Variants in SEMA6D observed in about 807,000 individuals in gnomAD.
SEMA6D encodes the protein semaphorin 6D, also known as semaphorin-6D.
In SEMA6D, 35 loss-of-function variants were observed where a neutral mutation model predicts 106.6. The observed-to-expected ratio is 0.33, with a 90% CI of 0.25 to 0.44. The LOEUF is 0.44. Ranked by LOEUF, SEMA6D falls within the 20% of genes least tolerant of loss-of-function variation. SEMA6D has a pLI of 1.00. For missense variants in SEMA6D, 1,185 were observed against 1,345.9 expected (o/e 0.88, Z 1.87); for synonymous variants, 499 against 487.7 (o/e 1.02, Z -0.31).
At chr15:47,384,535 G>A (rs1469426404) in intron 1 of SEMA6D, among the ~76,000 whole-genome samples, 1 of 152,186 alleles carries the variant, frequency 6.6e-6, no homozygotes, top group Admixed American at 6.5e-5. Flanking sequence ...AATGAGCAGT[G>A]AGCAGGGGCC....
At chr15:47,554,883 A>G (rs1047821213) in intron 3 of SEMA6D, among the ~76,000 whole-genome samples, 10 of 152,298 alleles carry the variant, frequency 6.6e-5, no homozygotes, top group African/African-American at 2.4e-4. Context: ...GGATGAAACT[A>G]TGCTCAGCAG....
intron 3 of SEMA6D, among the ~76,000 whole-genome samples, chr15:47,544,138 A>T (rs1311470159): frequency 6.6e-6 from 1 of 152,196 alleles, no homozygotes; most frequent in Non-Finnish European, 1.5e-5. Flanking sequence ...TACTAAGTGG[A>T]TGCAACCAGG....
intron 2 of SEMA6D, among the ~76,000 whole-genome samples, chr15:47,437,485 C>A (rs2041756736): frequency 6.6e-6 from 1 of 152,092 alleles, no homozygotes; most frequent in African/African-American, 2.4e-5. Flanking sequence ...TGTAAATTTT[C>A]CTCAGAACAC....
chr15:47,681,591 C>T (rs2078354289), intron 4 of SEMA6D, among the ~76,000 whole-genome samples: 1 of 152,134 alleles, frequency 6.6e-6, no homozygotes, highest in East Asian at 1.9e-4. Context: ...GGATAGATCT[C>T]ATGTGCTATT....
intron 4 of SEMA6D, among the ~76,000 whole-genome samples, chr15:47,663,514 A>C (rs1199047851): frequency 6.6e-6 from 1 of 152,172 alleles, no homozygotes; most frequent in African/African-American, 2.4e-5. Flanking sequence ...GAAAAGAGGC[A>C]TTTACTTGTA....
chr15:47,568,723 A>G (rs2142855102), intron 3 of SEMA6D, among the ~76,000 whole-genome samples: 1 of 152,288 alleles, frequency 6.6e-6, no homozygotes, highest in African/African-American at 2.4e-5. Context: ...ATCAACAAAA[A>G]TAGGCACCAA....
intron 4 of SEMA6D, among the ~76,000 whole-genome samples, chr15:47,684,080 G>C (rs376965667): frequency 2.0e-5 from 3 of 152,130 alleles, no homozygotes; most frequent in East Asian, 3.9e-4. Flanking sequence ...TTGGCAGAAA[G>C]AACAGCATTA....
At chr15:47,648,850 A>G (rs2077630905) in intron 4 of SEMA6D, among the ~76,000 whole-genome samples, 1 of 152,210 alleles carries the variant, frequency 6.6e-6, no homozygotes, top group Non-Finnish European at 1.5e-5. Context: ...TCCCACAGGA[A>G]CTTAACTCTT....
Position 47,771,361 on chromosome 15 carries a change from C to A in SEMA6D, c.2798C>A (p.Pro933His), listed in dbSNP as rs1364574983. The A allele has an allele frequency of 1.2e-6, 2 of 1,614,028 alleles. No homozygotes were observed. Among genetic ancestry groups the A allele is most frequent in the Non-Finnish European group, 8.5e-7 (1 of 1,179,980 alleles). ...PNREASLYSP[P>H]STLPRNSPTK... ...CGGGAGGCATCGCTATACTCCCCTCCTTCAACTCTCCCCAGAAATAGCCCA... is the reference window on the plus strand; with the variant it reads ...CGGGAGGCATCGCTATACTCCCCTCATTCAACTCTCCCCAGAAATAGCCCA... The change falls in exon 19 of 19, where the codon CCT becomes CAT. Residue 933 changes from proline (P) to histidine (H), a missense_variant. Transcript: ENST00000536845.
intron 1 of SEMA6D, among the ~76,000 whole-genome samples, chr15:47,228,161 CACAT>C (rs1435991108): frequency 1.3e-4 from 12 of 92,286 alleles, no homozygotes; most frequent in African/African-American, 5.7e-4. Flanking sequence ...CACACACACA[CACAT>C]ATATATATAA....
At chr15:47,331,151 G>C (rs187950351) in intron 1 of SEMA6D, among the ~76,000 whole-genome samples, 2 of 152,226 alleles carry the variant, frequency 1.3e-5, no homozygotes, top group African/African-American at 4.8e-5. Flanking sequence ...CAGTGAAAAA[G>C]GGTCACCATA....
chr15:47,440,150 TGGTTTTAGA>T (rs1352649866), intron 2 of SEMA6D, among the ~76,000 whole-genome samples: 9 of 126,234 alleles, frequency 7.1e-5, no homozygotes, highest in Non-Finnish European at 1.1e-4. Context: ...ATGAAAGCAG[TGGTTTTAGA>T]AATAGAGGGA....
chr15:47,185,388 T>A (rs1893494989), intron 1 of SEMA6D, among the ~76,000 whole-genome samples: 1 of 152,154 alleles, frequency 6.6e-6, no homozygotes, highest in Non-Finnish European at 1.5e-5. Context: ...CCATTGAAAT[T>A]GTTTTCAGAG....
chr15:47,677,037 A>G (rs2078260011), intron 4 of SEMA6D, among the ~76,000 whole-genome samples: 1 of 152,038 alleles, frequency 6.6e-6, no homozygotes. Flanking sequence ...ACAGTTCACA[A>G]TAGGGTTTGC....
chr15:47,491,971 G>A (rs1198898428), intron 3 of SEMA6D, among the ~76,000 whole-genome samples: 1 of 152,116 alleles, frequency 6.6e-6, no homozygotes. Context: ...TTGTAAAATG[G>A]TGGGTCTTAA....
chr15:47,507,398 C>T (rs998762979), intron 3 of SEMA6D, among the ~76,000 whole-genome samples: 30 of 139,068 alleles, frequency 2.2e-4, no homozygotes, highest in African/African-American at 6.3e-4. Context: ...CTGCCTGAGT[C>T]GGAGACTGGC....
At chr15:47,555,037 G>T (rs1382153065) in intron 3 of SEMA6D, among the ~76,000 whole-genome samples, 1 of 152,108 alleles carries the variant, frequency 6.6e-6, no homozygotes, top group Non-Finnish European at 1.5e-5. Flanking sequence ...TTCCAAGCAG[G>T]CCCGCTTCAA....
chr15:47,557,971 A>G (rs1001738605), intron 3 of SEMA6D, among the ~76,000 whole-genome samples: 20 of 152,248 alleles, frequency 1.3e-4, no homozygotes, highest in African/African-American at 4.3e-4. Flanking sequence ...GTCTCTTGGA[A>G]TGTGCAATGC....
chr15:47,216,112 T>G (rs968846920), intron 1 of SEMA6D, among the ~76,000 whole-genome samples: 11 of 152,146 alleles, frequency 7.2e-5, no homozygotes, highest in Non-Finnish European at 1.0e-4. Flanking sequence ...AATGGTTCTT[T>G]TTTTCTTTTA....
Sources: gnomAD v4.1 joint callset for allele counts (sites outside exome capture counted in the v4.1 genomes callset) on GRCh38, gnomAD v4.1.1 for gene constraint, MANE v1.5 for transcripts, NCBI Gene and HGNC (gene_info 2026-07-23, HGNC 2026-07-21) for gene names.